The following ABHD2 variants were observed in gnomAD, a reference collection of about 807,000 sequenced individuals.
ABHD2 encodes abhydrolase domain containing 2, acylglycerol lipase.
Under a neutral mutation model 48.1 loss-of-function variants are expected in ABHD2, and 20 were observed. The observed-to-expected ratio is 0.42, with a 90% CI of 0.29 to 0.60. The LOEUF (loss-of-function observed/expected upper bound fraction) is 0.60, where lower values mean the gene tolerates loss of function less well. Among genes scored for constraint, ABHD2 ranks in the 20% least tolerant of loss-of-function variants. The probability of loss-of-function intolerance (pLI) is 0.24; values close to 1 mark genes in which losing one functional copy is unlikely to be tolerated. For synonymous variants in ABHD2, 209 were observed against 214.2 expected (o/e 0.98, Z 0.21); for missense variants, 405 against 550.9 (o/e 0.74, Z 2.65).
chr15:89,136,939 A>C (rs2050323807), intron 3 of ABHD2, among the ~76,000 whole-genome samples: 1 of 152,238 alleles, frequency 6.6e-6, no homozygotes, highest in Non-Finnish European at 1.5e-5. Context: ...AGATGGGGAC[A>C]AGACACGGGT....
intron 5 of ABHD2, among the ~76,000 whole-genome samples, chr15:89,170,109 T>TTTTTTTG: frequency 7.9e-6 from 1 of 127,358 alleles, no homozygotes; most frequent in Admixed American, 7.8e-5. Flanking sequence ...TTTTTTTTTT[T>TTTTTTTG]TTTTGGAGAC....
At chr15:89,192,853 C>T (rs28566598) in intron 9 of ABHD2, among the ~76,000 whole-genome samples, 6,506 of 152,288 alleles carry the variant, frequency 0.043, 466 homozygotes, top group African/African-American at 0.15. Context: ...CCAGCCTTGG[C>T]CTAGATTCCT....
chr15:89,115,617 A>G (rs2049947403), intron 2 of ABHD2, among the ~76,000 whole-genome samples: 1 of 152,166 alleles, frequency 6.6e-6, no homozygotes, highest in Non-Finnish European at 1.5e-5. Context: ...GAAAAAACAA[A>G]ACAAAACAAA....
At chr15:89,048,323 C>G in the ABHD2 span, among the ~76,000 whole-genome samples, 7 of 152,288 alleles carry the variant, frequency 4.6e-5, no homozygotes, top group African/African-American at 1.4e-4. Context: ...TCTCTGGCTG[C>G]CCTTAACATT....
intron 3 of ABHD2, among the ~76,000 whole-genome samples, chr15:89,129,671 A>C (rs2150841454): frequency 6.6e-6 from 1 of 152,136 alleles, no homozygotes; most frequent in South Asian, 2.1e-4. Context: ...AGTGAGACCC[A>C]CCTGGGCTCA....
In ABHD2 at chr15:89,104,605, T is replaced by C. The variant is rs936432924; in HGVS notation, c.-106-9120T>C. Among the ~76,000 whole-genome samples, 3 of 152,234 alleles carry C rather than the reference T, an allele frequency of 2.0e-5. No homozygotes were observed. The highest frequency in any genetic ancestry group is 2.0e-4 in the Admixed American group (3 of 15,290). On this transcript the variant is annotated intron_variant, in intron 1 of 10. Transcript: ENST00000352732. This position sits in a 1 kb window ranked among gnomAD's most constrained non-coding sequence, Gnocchi z 4.4. ...CGGTGAGTCCCAGTTATTTTTATTT[T>C]CTCATTAACTGAGAGTAGCTGTAAG...
chr15:89,122,884 T>G (rs901950651), intron 3 of ABHD2, among the ~76,000 whole-genome samples: 8 of 152,148 alleles, frequency 5.3e-5, no homozygotes, highest in African/African-American at 1.9e-4. Context: ...ACTTGGCTAA[T>G]AGGCCGAAAA....
chr15:89,140,441 A>G (rs1567086722), intron 3 of ABHD2, among the ~76,000 whole-genome samples: 1 of 152,216 alleles, frequency 6.6e-6, no homozygotes, highest in Non-Finnish European at 1.5e-5. Context: ...GGCAGGTGAT[A>G]AATTAAAGAT....
chr15:89,180,121 C>T (rs144316455), intron 6 of ABHD2, among the ~76,000 whole-genome samples: 1 of 152,272 alleles, frequency 6.6e-6, no homozygotes, highest in Non-Finnish European at 1.5e-5. Context: ...TGAATCACAG[C>T]CAAACAAAGA....
chr15:89,111,911 T>C (rs1003613693), intron 1 of ABHD2, among the ~76,000 whole-genome samples: 4 of 152,074 alleles, frequency 2.6e-5, no homozygotes, highest in African/African-American at 9.7e-5. Flanking sequence ...CCACTCTGCC[T>C]TTCCATCATT....
chr15:89,105,034 A>G (rs1397874306), intron 1 of ABHD2, among the ~76,000 whole-genome samples: 1 of 152,252 alleles, frequency 6.6e-6, no homozygotes, highest in Non-Finnish European at 1.5e-5. Context: ...GAACCTCCCT[A>G]GAGGAAACAC....
At chr15:89,171,790 C>G (rs943669709) in intron 5 of ABHD2, among the ~76,000 whole-genome samples, 51 of 152,170 alleles carry the variant, frequency 3.4e-4, no homozygotes, top group Admixed American at 3.3e-3. Context: ...GAGAGAGCCT[C>G]GTTCCTTAGA....
At chr15:89,161,794 T>C (rs1567097911) in intron 5 of ABHD2, among the ~76,000 whole-genome samples, 1 of 152,234 alleles carries the variant, frequency 6.6e-6, no homozygotes, top group Non-Finnish European at 1.5e-5. Flanking sequence ...AGGCTCTTTG[T>C]AAACTGTCTT....
At chr15:89,187,785 T>G (rs2051236075) in intron 7 of ABHD2, among the ~76,000 whole-genome samples, 1 of 152,234 alleles carries the variant, frequency 6.6e-6, no homozygotes, top group African/African-American at 2.4e-5. Context: ...TCCTGCACAC[T>G]GAGTCTTCCT....
At position 89,093,280 on chromosome 15, in the gene ABHD2, A is replaced by G. The variant is rs540942539; in HGVS notation, c.-107+4717A>G. Among the ~76,000 whole-genome samples the G allele has an allele frequency of 8.7e-5, 13 of 149,512 alleles. No homozygotes were observed. The East Asian group carries it at 2.6e-3, about 30-fold the overall frequency. ...GCTGCAACCTCTGCTTCGCGGGTTCAAACGATTTTCCTGCCTCAGCCTCTC... is the reference window on the plus strand; with the variant it reads ...GCTGCAACCTCTGCTTCGCGGGTTCGAACGATTTTCCTGCCTCAGCCTCTC... On this transcript the variant is annotated intron_variant, in intron 1 of 10. Coordinates refer to ENST00000352732, the MANE Select transcript of ABHD2 (RefSeq NM_152924.5).
intron 3 of ABHD2, among the ~76,000 whole-genome samples, chr15:89,129,044 G>A (rs1031232966): frequency 2.0e-5 from 3 of 152,176 alleles, no homozygotes; most frequent in Non-Finnish European, 4.4e-5. Flanking sequence ...GACAGAAATA[G>A]GGAAGTCTAA....
At chr15:89,079,853 C>T in the ABHD2 span, among the ~76,000 whole-genome samples, 4 of 152,214 alleles carry the variant, frequency 2.6e-5, no homozygotes, top group Non-Finnish European at 5.9e-5. The surrounding 1 kb of genome is among the most constrained non-coding windows in gnomAD (Gnocchi z 4.3). Context: ...CTACCTCTTT[C>T]CCCAGCTCTC....
Position 89,106,675 on chromosome 15 carries a change from TA to T in ABHD2, c.-106-7047del, listed in dbSNP as rs1290175934. 6.6e-6 allele frequency among the ~76,000 whole-genome samples: 1 copy of T among 152,134 alleles called. No individual in the cohort carries two copies. The highest frequency in any genetic ancestry group is 1.5e-5 in the Non-Finnish European group (1 of 68,004). ...CTATGATGGCTCTGACTAATTTAGTTAAATGGCAGATAAAGTGGGGAGAAGG... is the reference window on the plus strand; with the variant it reads ...CTATGATGGCTCTGACTAATTTAGTTAATGGCAGATAAAGTGGGGAGAAGG... On this transcript the variant is annotated intron_variant, in intron 1 of 10. Transcript: ENST00000352732. This position sits in a 1 kb window ranked among gnomAD's most constrained non-coding sequence, Gnocchi z 4.2.
At chr15:89,143,035 ATCT>A (rs1344154414) in intron 3 of ABHD2, among the ~76,000 whole-genome samples, 1 of 152,078 alleles carries the variant, frequency 6.6e-6, no homozygotes, top group Non-Finnish European at 1.5e-5. Context: ...GTTAAATTTT[ATCT>A]TCATCAGGGT....
Sources: allele counts gnomAD v4.1 joint callset (sites outside exome capture counted in the v4.1 genomes callset), GRCh38; gene constraint gnomAD v4.1.1; non-coding constraint Gnocchi (gnomAD v3.1); transcripts MANE v1.5; gene names NCBI Gene and HGNC (gene_info 2026-07-23, HGNC 2026-07-21).